The following ZNF346 variants were observed in gnomAD, a reference collection of about 807,000 sequenced individuals.
The protein encoded by ZNF346 is zinc finger protein 346, also known as double-stranded RNA-binding zinc finger protein JAZ.
In ZNF346, 23 loss-of-function variants were observed where a neutral mutation model predicts 33.7. The ratio of observed to expected loss-of-function variants is 0.68; its 90% CI spans 0.49 to 0.97. The LOEUF is 0.97. Among genes scored for constraint, ZNF346 ranks in the 50% least tolerant of loss-of-function variants. The pLI is 0.00. For synonymous variants in ZNF346, 134 were observed against 142.4 expected (o/e 0.94, Z 0.42); for missense variants, 340 against 371.1 (o/e 0.92, Z 0.69).
intron 5 of ZNF346, among the ~76,000 whole-genome samples, chr5:177,056,071 GTC>G (rs1781634213): frequency 1.1e-5 from 1 of 93,826 alleles, no homozygotes; most frequent in African/African-American, 4.0e-5. Flanking sequence ...GCCAGACTCC[GTC>G]TCAAAAAAAA....
chr5:177,080,741 G>A (rs990813949), exon 9 of ZNF346: 1 of 152,304 alleles, frequency 6.6e-6, no homozygotes, highest in African/African-American at 2.4e-5. Flanking sequence ...CCAGGAGGTG[G>A]TGGTTGCAGT....
At chr5:177,036,410 G>T (rs78312151) in intron 1 of ZNF346, among the ~76,000 whole-genome samples, 5,049 of 152,246 alleles carry the variant, frequency 0.033, 297 homozygotes, top group African/African-American at 0.11. Flanking sequence ...ACAAGATCTT[G>T]TTCTAAACAC....
chr5:177,029,529 A>C, intron 1 of ZNF346, among the ~76,000 whole-genome samples: 1 of 152,250 alleles, frequency 6.6e-6, no homozygotes, highest in East Asian at 1.9e-4. Flanking sequence ...CCTCAGAAGA[A>C]AGAATTCAAC....
intron 1 of ZNF346, among the ~76,000 whole-genome samples, chr5:177,024,915 C>G (rs1293967109): frequency 6.6e-6 from 1 of 152,232 alleles, no homozygotes; most frequent in African/African-American, 2.4e-5. Flanking sequence ...TAGACACCTA[C>G]AACATTAAGT....
At chr5:177,025,492 G>A (rs910947643) in intron 1 of ZNF346, among the ~76,000 whole-genome samples, 1 of 152,076 alleles carries the variant, frequency 6.6e-6, no homozygotes, top group Admixed American at 6.6e-5. Flanking sequence ...TTCCAAAATG[G>A]CTTCACCTTT....
At chr5:177,046,868 A>G (rs1780110901) in intron 4 of ZNF346, among the ~76,000 whole-genome samples, 1 of 152,176 alleles carries the variant, frequency 6.6e-6, no homozygotes, top group Non-Finnish European at 1.5e-5. Flanking sequence ...CATTATGAAT[A>G]ATTCCACTTC....
intron 5 of ZNF346, chr5:177,052,871 A>G (rs1237155572): frequency 6.6e-6 from 1 of 152,238 alleles, no homozygotes; most frequent in Non-Finnish European, 1.5e-5. Flanking sequence ...CTAGGCAGCA[A>G]TTGGTAATAA....
chr5:177,063,132 T>C (rs1782747304), intron 6 of ZNF346, among the ~76,000 whole-genome samples: 1 of 151,512 alleles, frequency 6.6e-6, no homozygotes, highest in Admixed American at 6.6e-5. Flanking sequence ...ACTCCTGAGC[T>C]CAAGTGATCC....
At chr5:177,031,826 A>G (rs563683569) in intron 1 of ZNF346, among the ~76,000 whole-genome samples, 9 of 151,834 alleles carry the variant, frequency 5.9e-5, no homozygotes, top group South Asian at 2.1e-4. Context: ...AGCTATTTCT[A>G]TTGCTGTATC....
intron 1 of ZNF346, among the ~76,000 whole-genome samples, chr5:177,025,429 GA>G: frequency 6.6e-6 from 1 of 150,418 alleles, no homozygotes; most frequent in East Asian, 1.9e-4. Flanking sequence ...CCTAAGAGTG[GA>G]ATTGCTGGGT....
At position 177,067,397 on chromosome 5, in the gene ZNF346, G is replaced by T. The variant is rs547567905; in HGVS notation, c.*2798G>T. Among the ~76,000 whole-genome samples, 9 of 152,244 alleles carry T rather than the reference G, an allele frequency of 5.9e-5. No individual in the cohort carries two copies. The East Asian group carries it at 1.4e-3, about 23-fold the overall frequency. The stretch of plus-strand genomic sequence containing the variant: ...GCCACTCAGCCCCTGCTCCTGGTCA[G>T]CTGTGAAAGGCTCTACACAGCCCCA... On this transcript the variant is annotated 3_prime_UTR_variant, in exon 7 of 7. Transcript: ENST00000358149.
intron 8 of ZNF346, among the ~76,000 whole-genome samples, chr5:177,073,706 G>A (rs187038033): frequency 3.3e-5 from 5 of 152,054 alleles, no homozygotes; most frequent in Non-Finnish European, 4.4e-5. Flanking sequence ...TAGAAGAGGC[G>A]AGTTGTGGAA....
intron 5 of ZNF346, among the ~76,000 whole-genome samples, chr5:177,054,272 C>A (rs1014350094): frequency 2.0e-5 from 3 of 152,002 alleles, no homozygotes; most frequent in Non-Finnish European, 2.9e-5. Flanking sequence ...AGTCTCGCCA[C>A]GTTGCCCAGG....
intron 1 of ZNF346, among the ~76,000 whole-genome samples, chr5:177,023,765 A>C (rs1280331944): frequency 6.6e-6 from 1 of 152,248 alleles, no homozygotes; most frequent in East Asian, 1.9e-4. Flanking sequence ...TTCTCTGCTA[A>C]CCTTGTCAGG....
At position 177,051,041 on chromosome 5, in the gene ZNF346, G is replaced by C. The variant is rs1176019277; in HGVS notation, c.703+105G>C. Reference sequence around the variant, plus strand: ...TTCCTCCTTAGGTCTTGTAAGTAGGGTTTGCGAACTCAGATGGCTACAGAA... The same window carrying C: ...TTCCTCCTTAGGTCTTGTAAGTAGGCTTTGCGAACTCAGATGGCTACAGAA... On this transcript the variant is annotated intron_variant, in intron 5 of 6. Coordinates refer to ENST00000358149, the MANE Select transcript of ZNF346 (RefSeq NM_012279.4). 28 of 820,746 alleles carry C rather than the reference G, an allele frequency of 3.4e-5. No homozygotes were observed. In the East Asian group the frequency reaches 7.1e-4, roughly 21 times the overall value. 50.8% of individuals were successfully genotyped at this position (820,746 alleles called of 1,614,324 possible). A position where few individuals can be genotyped will look rare whatever the true frequency, so the allele number is the denominator to read the frequency against.
intron 4 of ZNF346, among the ~76,000 whole-genome samples, chr5:177,048,302 A>G (rs1370181598): frequency 6.6e-6 from 1 of 152,096 alleles, no homozygotes; most frequent in Non-Finnish European, 1.5e-5. Flanking sequence ...CTCTTTTCTG[A>G]TGTTAAAAAT....
At chr5:177,072,797 C>T (rs987440335), downstream of ZNF346, among the ~76,000 whole-genome samples, 8 of 150,568 alleles carry the variant, frequency 5.3e-5, no homozygotes, top group Non-Finnish European at 1.0e-4. Context: ...TGCAGTGAGC[C>T]GAGATCACAC....
intron 4 of ZNF346, among the ~76,000 whole-genome samples, chr5:177,048,000 A>T (rs1354073192): frequency 6.6e-6 from 1 of 152,180 alleles, no homozygotes; most frequent in African/African-American, 2.4e-5. Context: ...CATGTTATTA[A>T]AAAATTCTTT....
At chr5:177,036,204 G>T (rs1339950374) in intron 1 of ZNF346, among the ~76,000 whole-genome samples, 5 of 152,108 alleles carry the variant, frequency 3.3e-5, no homozygotes, top group Non-Finnish European at 7.3e-5. Flanking sequence ...TTTTCATGTG[G>T]TGTCAGGAAC....
Sources: allele counts gnomAD v4.1 joint callset (sites outside exome capture counted in the v4.1 genomes callset), GRCh38; gene constraint gnomAD v4.1.1; transcripts MANE v1.5; gene names NCBI Gene and HGNC (gene_info 2026-07-23, HGNC 2026-07-21).